SNTG1: variants seen among roughly 807,000 people sequenced by gnomAD.
SNTG1 encodes syntrophin gamma 1.
A neutral mutation model predicts 74.7 loss-of-function variants in SNTG1; 39 were observed. The ratio of observed to expected loss-of-function variants is 0.52; its 90% CI spans 0.40 to 0.68. The LOEUF is 0.68. SNTG1 is among the 30% of genes least tolerant of loss of function. The probability of loss-of-function intolerance (pLI) is 0.00; values close to 1 mark genes in which losing one functional copy is unlikely to be tolerated. For synonymous variants in SNTG1, 254 were observed against 217.1 expected (o/e 1.17, Z -1.49); for missense variants, 685 against 609.5 (o/e 1.12, Z -1.30).
intron 2 of SNTG1, among the ~76,000 whole-genome samples, chr8:50,273,712 G>T (rs550635373): frequency 4.6e-5 from 7 of 152,168 alleles, no homozygotes; most frequent in Admixed American, 1.3e-4. Context: ...GTTAACAATG[G>T]TGGTGACGAA....
intron 18 of SNTG1, among the ~76,000 whole-genome samples, chr8:50,786,678 G>T (rs553865794): frequency 2.6e-5 from 4 of 151,996 alleles, no homozygotes; most frequent in South Asian, 2.1e-4. Context: ...TGAGAGTCTA[G>T]AAATGAACCT....
At chr8:49,914,062 C>T (rs535873262) in intron 1 of SNTG1, among the ~76,000 whole-genome samples, 2 of 152,196 alleles carry the variant, frequency 1.3e-5, no homozygotes, top group African/African-American at 4.8e-5. Flanking sequence ...CTTGTCAATC[C>T]TTATCTGTAG....
chr8:50,394,877 A>G (rs2092707822), intron 3 of SNTG1, among the ~76,000 whole-genome samples: 1 of 151,120 alleles, frequency 6.6e-6, no homozygotes, highest in African/African-American at 2.4e-5. Flanking sequence ...AATATGTAAC[A>G]TTCAAAGTAT....
chr8:50,524,571 T>G (rs532805451), intron 9 of SNTG1, among the ~76,000 whole-genome samples: 3 of 152,108 alleles, frequency 2.0e-5, no homozygotes, highest in African/African-American at 7.2e-5. Flanking sequence ...ATAGGTGTAG[T>G]TGTGATACAA....
At chr8:50,741,754 G>C (rs144080383) in intron 17 of SNTG1, among the ~76,000 whole-genome samples, 1 of 152,062 alleles carries the variant, frequency 6.6e-6, no homozygotes, top group African/African-American at 2.4e-5. Context: ...CTAAGTGAAA[G>C]AAGTCAATTG....
At chr8:50,169,441 A>G (rs971631587) in intron 1 of SNTG1, among the ~76,000 whole-genome samples, 3 of 152,206 alleles carry the variant, frequency 2.0e-5, no homozygotes, top group Admixed American at 1.3e-4. Flanking sequence ...CTTAAATGCA[A>G]CTTAATATCT....
At chr8:50,011,619 T>G (rs1021987628) in intron 1 of SNTG1, among the ~76,000 whole-genome samples, 6 of 86,320 alleles carry the variant, frequency 7.0e-5, no homozygotes, top group Non-Finnish European at 2.0e-4. Context: ...TATCCCAAGG[T>G]GAAATTAAAA....
intron 4 of SNTG1, among the ~76,000 whole-genome samples, chr8:50,415,332 T>C (rs2093000842): frequency 6.6e-6 from 1 of 152,128 alleles, no homozygotes; most frequent in Admixed American, 6.6e-5. Context: ...AGATTGAATA[T>C]AAACTAATAG....
intron 2 of SNTG1, among the ~76,000 whole-genome samples, chr8:50,309,359 A>G (rs2090020202): frequency 2.5e-5 from 1 of 39,804 alleles, no homozygotes; most frequent in Non-Finnish European, 8.6e-5. Flanking sequence ...CTTTTTTAAG[A>G]CAAAAAAAAA....
intron 1 of SNTG1, among the ~76,000 whole-genome samples, chr8:49,934,161 C>G (rs1314531502): frequency 6.6e-6 from 1 of 152,038 alleles, no homozygotes; most frequent in Non-Finnish European, 1.5e-5. Flanking sequence ...GGGTTATTCT[C>G]TAGTCTTTAT....
At chr8:50,746,544 C>T (rs913162248) in intron 17 of SNTG1, among the ~76,000 whole-genome samples, 1 of 151,862 alleles carries the variant, frequency 6.6e-6, no homozygotes, top group Non-Finnish European at 1.5e-5. Flanking sequence ...GAACTGAGAA[C>T]CTGTCACAGC....
At chr8:50,294,632 G>A (rs1011137144) in intron 2 of SNTG1, among the ~76,000 whole-genome samples, 1 of 152,164 alleles carries the variant, frequency 6.6e-6, no homozygotes, top group Non-Finnish European at 1.5e-5. Context: ...TCAACAGATT[G>A]AGTGAGGCCC....
At chr8:50,208,903 A>T (rs1351605891) in intron 2 of SNTG1, among the ~76,000 whole-genome samples, 1 of 152,160 alleles carries the variant, frequency 6.6e-6, no homozygotes, top group East Asian at 1.9e-4. Context: ...CTTGTCGGAC[A>T]GTGGGTTCAG....
chr8:50,652,513 T>C (rs529792993), intron 13 of SNTG1, among the ~76,000 whole-genome samples: 2 of 152,170 alleles, frequency 1.3e-5, no homozygotes, highest in South Asian at 4.2e-4. Flanking sequence ...AGGTATGTTA[T>C]CAGGCCGGTG....
At chr8:50,146,259 T>A (rs2081860416) in intron 1 of SNTG1, among the ~76,000 whole-genome samples, 2 of 152,152 alleles carry the variant, frequency 1.3e-5, no homozygotes, top group Non-Finnish European at 2.9e-5. Context: ...GGCTCATGCC[T>A]GTAATCCCAG....
intron 1 of SNTG1, among the ~76,000 whole-genome samples, chr8:50,014,846 A>T (rs2385699): frequency 6.6e-6 from 1 of 151,886 alleles, no homozygotes; most frequent in Non-Finnish European, 1.5e-5. Flanking sequence ...CGTAATCTAT[A>T]GAATTATTCC....
chr8:50,015,541 A>T (rs1472115554), intron 1 of SNTG1, among the ~76,000 whole-genome samples: 1 of 152,112 alleles, frequency 6.6e-6, no homozygotes, highest in African/African-American at 2.4e-5. Context: ...CACATTCAAG[A>T]TACTCAACAA....
rs576538475 is a variant in SNTG1 at position 49,970,663 on chromosome 8, C to T, written c.-103+58432C>T. Among the ~76,000 whole-genome samples the T allele has an allele frequency of 4.1e-4, 63 of 152,274 alleles. 1 individual carries two copies. The highest frequency in any genetic ancestry group is 9.1e-4 in the Non-Finnish European group (62 of 68,024). On this transcript the variant is annotated intron_variant, in intron 1 of 18. Transcript: ENST00000642720. ...GAGGGTCAGAGAAGGTTATAACTTA[C>T]GTAGCTCTAATTCGCATGTCTCTAG...
At chr8:49,934,737 G>A (rs1161529440) in intron 1 of SNTG1, among the ~76,000 whole-genome samples, 1 of 152,176 alleles carries the variant, frequency 6.6e-6, no homozygotes, top group Non-Finnish European at 1.5e-5. Context: ...ACATGTTTGT[G>A]TATGCATGTG....
Sources: gnomAD v4.1 joint callset for allele counts (sites outside exome capture counted in the v4.1 genomes callset) on GRCh38, gnomAD v4.1.1 for gene constraint, MANE v1.5 for transcripts, NCBI Gene and HGNC (gene_info 2026-07-23, HGNC 2026-07-21) for gene names.